TAFA2: variants seen among roughly 807,000 people sequenced by gnomAD.
The protein encoded by TAFA2 is TAFA chemokine like family member 2.
In TAFA2, 7 loss-of-function variants were observed where a neutral mutation model predicts 18.8. That is an observed-to-expected ratio of 0.37 (90% CI 0.21 to 0.70). The LOEUF (loss-of-function observed/expected upper bound fraction) is 0.70, where lower values mean the gene tolerates loss of function less well. TAFA2 is among the 30% of genes least tolerant of loss of function. TAFA2 has a pLI of 0.53. For missense variants in TAFA2, 122 were observed against 158.1 expected, an observed-to-expected ratio of 0.77 and a Z score of 1.23; for synonymous variants, 60 against 54.2, an observed-to-expected ratio of 1.11 and a Z score of -0.47.
At chr12:62,194,132 G>A (rs1020841926), upstream of TAFA2, among the ~76,000 whole-genome samples, 1 of 152,016 alleles carries the variant, frequency 6.6e-6, no homozygotes, top group East Asian at 1.9e-4. Context: ...GGAAAGCAAC[G>A]TTTACATTTT....
At chr12:61,825,688 C>A (rs188571369) in intron 2 of TAFA2, among the ~76,000 whole-genome samples, 1 of 152,138 alleles carries the variant, frequency 6.6e-6, no homozygotes, top group African/African-American at 2.4e-5. Flanking sequence ...TTTCAGGGTG[C>A]AGCACCGTCT....
At chr12:61,970,613 A>G (rs1879214558) in intron 1 of TAFA2, among the ~76,000 whole-genome samples, 1 of 151,624 alleles carries the variant, frequency 6.6e-6, no homozygotes, top group Admixed American at 6.6e-5. Flanking sequence ...GAGTTTGGTA[A>G]TAACAAAAAC....
chr12:62,237,689 G>A (rs532000344), intron 1 of TAFA2, among the ~76,000 whole-genome samples: 1 of 152,326 alleles, frequency 6.6e-6, no homozygotes, highest in South Asian at 2.1e-4. Flanking sequence ...TGTTTACCTA[G>A]AGATTCTTTG....
chr12:62,248,358 C>T (rs1315973690), intron 1 of TAFA2, among the ~76,000 whole-genome samples: 1 of 152,160 alleles, frequency 6.6e-6, no homozygotes, highest in African/African-American at 2.4e-5. Flanking sequence ...TAGGAAAACC[C>T]AAGGAGCTCG....
Position 61,879,492 on chromosome 12 carries a change from C to A in TAFA2, c.-1-12066G>T, listed in dbSNP as rs534243014. On this transcript the variant is annotated intron_variant, in intron 1 of 4. Coordinates refer to ENST00000416284, the MANE Select transcript of TAFA2 (RefSeq NM_178539.5). ...TGGGTGGAGGCTTTGGCGGGGCCAG[C>A]GGTATTGGAGGGATCACTGCTGTCA... 1,048 of 692,180 alleles carry A rather than the reference C, an allele frequency of 1.5e-3. 4 individuals carry two copies. Among genetic ancestry groups the A allele is most frequent in the Non-Finnish European group, 2.2e-3 (856 of 380,750 alleles). 42.9% of individuals were successfully genotyped at this position (692,180 alleles called of 1,614,324 possible).
At chr12:62,097,572 A>G (rs911599675) in intron 1 of TAFA2, among the ~76,000 whole-genome samples, 4 of 152,192 alleles carry the variant, frequency 2.6e-5, no homozygotes, top group African/African-American at 9.7e-5. Flanking sequence ...GCTAGTAAAC[A>G]GTATTGACAT....
At chr12:61,955,729 T>C (rs1488561055) in intron 1 of TAFA2, among the ~76,000 whole-genome samples, 4 of 145,296 alleles carry the variant, frequency 2.8e-5, no homozygotes, top group African/African-American at 1.0e-4. Context: ...GGGTATGTTT[T>C]TTTAAAAAAA....
intron 1 of TAFA2, among the ~76,000 whole-genome samples, chr12:62,083,831 C>T (rs1197952221): frequency 6.6e-6 from 1 of 152,074 alleles, no homozygotes. Context: ...ATATCTGCAA[C>T]ATTTACATTG....
chr12:61,930,271 T>C (rs1056693102), intron 1 of TAFA2, among the ~76,000 whole-genome samples: 1 of 152,126 alleles, frequency 6.6e-6, no homozygotes, highest in African/African-American at 2.4e-5. Context: ...TAACCATAAA[T>C]TGGCAAGATT....
intron 1 of TAFA2, among the ~76,000 whole-genome samples, chr12:62,127,672 G>T (rs1280855336): frequency 6.6e-6 from 1 of 151,966 alleles, no homozygotes; most frequent in Non-Finnish European, 1.5e-5. Context: ...GCTTGAGCAA[G>T]TTATGAGCCA....
intron 1 of TAFA2, among the ~76,000 whole-genome samples, chr12:61,867,685 A>G (rs560799884): frequency 1.3e-5 from 2 of 152,266 alleles, no homozygotes; most frequent in Admixed American, 1.3e-4. Flanking sequence ...AGCCTAAATC[A>G]GTTTGGAAAT....
intron 1 of TAFA2, among the ~76,000 whole-genome samples, chr12:61,992,291 A>G (rs1277238755): frequency 6.6e-6 from 1 of 152,088 alleles, no homozygotes; most frequent in Non-Finnish European, 1.5e-5. Context: ...CCATATCCCT[A>G]ATTTCAGCAA....
intron 1 of TAFA2, among the ~76,000 whole-genome samples, chr12:62,025,846 T>G (rs192803442): frequency 6.6e-6 from 1 of 151,790 alleles, no homozygotes; most frequent in Non-Finnish European, 1.5e-5. Flanking sequence ...CATACTAGAG[T>G]TTTTACCTAA....
chr12:61,916,833 AT>A (rs1455069106), intron 1 of TAFA2, among the ~76,000 whole-genome samples: 1 of 152,032 alleles, frequency 6.6e-6, no homozygotes, highest in East Asian at 1.9e-4. Flanking sequence ...CATGCTCTCC[AT>A]TTTTTTCTTG....
intron 1 of TAFA2, among the ~76,000 whole-genome samples, chr12:61,968,278 A>G (rs1272937940): frequency 6.6e-6 from 1 of 151,642 alleles, no homozygotes; most frequent in African/African-American, 2.4e-5. Flanking sequence ...ACCGCTCTAC[A>G]AGCACTTCCA....
chr12:61,770,864 A>T (rs1165814485), intron 2 of TAFA2, among the ~76,000 whole-genome samples: 1 of 152,126 alleles, frequency 6.6e-6, no homozygotes, highest in Non-Finnish European at 1.5e-5. Flanking sequence ...AGCAATAACT[A>T]GTACAGTGAA....
intron 2 of TAFA2, among the ~76,000 whole-genome samples, chr12:61,769,072 T>A (rs1336320111): frequency 6.6e-6 from 1 of 151,576 alleles, no homozygotes; most frequent in Non-Finnish European, 1.5e-5. Context: ...CTGCCAGCTT[T>A]CCCCCACTTC....
At chr12:61,900,111 G>C (rs1203290714) in intron 1 of TAFA2, among the ~76,000 whole-genome samples, 1 of 152,100 alleles carries the variant, frequency 6.6e-6, no homozygotes, top group Non-Finnish European at 1.5e-5. Context: ...TTCTTGTCAA[G>C]GGATATTTGG....
intron 1 of TAFA2, among the ~76,000 whole-genome samples, chr12:62,107,930 G>A (rs1415154903): frequency 1.3e-5 from 2 of 151,802 alleles, no homozygotes; most frequent in African/African-American, 4.8e-5. Context: ...GAATTTAATT[G>A]TTTCATTTCT....
Sources: allele counts gnomAD v4.1 joint callset (sites outside exome capture counted in the v4.1 genomes callset), GRCh38; gene constraint gnomAD v4.1.1; transcripts MANE v1.5; gene names NCBI Gene and HGNC (gene_info 2026-07-23, HGNC 2026-07-21).